Variants in PCDHA11 observed in about 807,000 individuals in gnomAD.
PCDHA11 encodes protocadherin alpha 11.
A neutral mutation model predicts 70.3 loss-of-function variants in PCDHA11; 61 were observed. The observed-to-expected ratio is 0.87, with a 90% CI of 0.71 to 1.07. The LOEUF (loss-of-function observed/expected upper bound fraction) is 1.07. Ranked by LOEUF, PCDHA11 falls within the 50% of genes least tolerant of loss-of-function variation. The probability of loss-of-function intolerance (pLI) is 0.00; values close to 1 mark genes in which losing one functional copy is unlikely to be tolerated. For synonymous variants in PCDHA11, 633 were observed against 555.1 expected, an observed-to-expected ratio of 1.14 and a Z score of -1.97; for missense variants, 1,324 against 1,237.5, an observed-to-expected ratio of 1.07 and a Z score of -1.05.
chr5:141,006,126 G>T (rs1554260581), intron 3 of PCDHA11, among the ~76,000 whole-genome samples: 1 of 151,330 alleles, frequency 6.6e-6, no homozygotes. Flanking sequence ...TTTTCTCAAG[G>T]CAGTAGAAAG....
chr5:140,877,831 C>T (rs1226856696), intron 1 of PCDHA11: 5 of 1,592,698 alleles, frequency 3.1e-6, no homozygotes, highest in Non-Finnish European at 4.3e-6. Context: ...TTTAAATCCT[C>T]CCAGTGAAGT....
chr5:140,954,909 T>C (rs1309101151), intron 1 of PCDHA11, among the ~76,000 whole-genome samples: 3 of 152,164 alleles, frequency 2.0e-5, no homozygotes, highest in Admixed American at 6.5e-5. Flanking sequence ...TTTCATACTT[T>C]TATGAATTAC....
intron 3 of PCDHA11, among the ~76,000 whole-genome samples, chr5:140,983,718 T>C (rs2097062684): frequency 6.6e-6 from 1 of 152,248 alleles, no homozygotes; most frequent in South Asian, 2.1e-4. Context: ...CTAGCACTTA[T>C]ATTCATAACA....
At chr5:140,902,854 C>T (rs186872091) in intron 1 of PCDHA11, among the ~76,000 whole-genome samples, 154 of 152,240 alleles carry the variant, frequency 1.0e-3, no homozygotes, top group Middle Eastern at 3.4e-3. Flanking sequence ...AGAAAAATGG[C>T]GTCCAGGTCC....
intron 1 of PCDHA11, chr5:140,877,868 T>G: frequency 6.7e-7 from 1 of 1,488,916 alleles, no homozygotes; most frequent in Non-Finnish European, 8.9e-7. Context: ...TTAGATATAT[T>G]TGTTTCCTTG....
chr5:140,882,859 GA>G (rs1554175853), intron 1 of PCDHA11: 4 of 1,614,192 alleles, frequency 2.5e-6, no homozygotes, highest in Non-Finnish European at 3.4e-6. Flanking sequence ...TTGTACTGAG[GA>G]AAACACTGGA....
chr5:140,921,511 C>T (rs1163280621), intron 1 of PCDHA11, among the ~76,000 whole-genome samples: 1 of 152,062 alleles, frequency 6.6e-6, no homozygotes, highest in Non-Finnish European at 1.5e-5. Context: ...TAGTGCCTAA[C>T]CTGAAATAAA....
chr5:140,871,446 A>C lies in PCDHA11; in HGVS notation c.2343A>C (p.Lys781Asn), dbSNP rs1554165605. Residue 781 changes from lysine (K) to asparagine (N), a missense_variant, in exon 1 of 4, where the codon AAA becomes AAC. Transcript: ENST00000398640. The part of the protein sequence containing the change: ...FSPSLPLGLN[K>N]EEEGERQEPG... ...CCAGTCTTCCTCTAGGTCTGAATAA[A>C]GAGGAGGAAGGGGAAAGACAGGAGC... The C allele has an allele frequency of 6.2e-7, 1 of 1,610,058 alleles. No homozygotes were observed. The highest frequency in any genetic ancestry group is 8.5e-7 in the Non-Finnish European group (1 of 1,177,796).
At chr5:140,970,366 A>G (rs1438755786) in intron 1 of PCDHA11, among the ~76,000 whole-genome samples, 2 of 152,196 alleles carry the variant, frequency 1.3e-5, no homozygotes, top group Admixed American at 1.3e-4. Context: ...TTGATTTGCT[A>G]TAGCTTCAAA....
chr5:141,000,828 G>A (rs1244334845), intron 3 of PCDHA11, among the ~76,000 whole-genome samples: 2 of 151,966 alleles, frequency 1.3e-5, no homozygotes, highest in African/African-American at 4.8e-5. Flanking sequence ...GATCACTTGA[G>A]TCCAGGAGAT....
rs782198197 is a variant in PCDHA11, at chr5:140,871,028, C to A, written c.1925C>A (p.Pro642Gln). Residue 642 changes from proline (P) to glutamine (Q), a missense_variant, in exon 1 of 4, where the codon CCG becomes CAG. By Grantham distance (76) the Pro-to-Gln change is moderately conservative. Transcript: ENST00000398640. The stretch of plus-strand genomic sequence containing the variant: ...CGTGCCCTGGACGAGGCAGACTCGC[C>A]GCGCCACCGACTTCTAGTACTGGTG... ...TTRALDEADSPRHRLLVLVKD... is the reference protein window; with the variant it reads ...TTRALDEADSQRHRLLVLVKD... 1.2e-6 allele frequency: 2 copies of A among 1,613,234 alleles called. No individual in the cohort carries two copies. Among genetic ancestry groups the A allele is most frequent in the Non-Finnish European group, 1.7e-6 (2 of 1,179,834 alleles).
intron 1 of PCDHA11, among the ~76,000 whole-genome samples, chr5:140,957,650 C>T (rs1239447979): frequency 1.3e-5 from 2 of 151,848 alleles, no homozygotes; most frequent in Non-Finnish European, 2.9e-5. Flanking sequence ...CTTAAATATT[C>T]AATCATGGAG....
At chr5:140,882,087 C>A in intron 1 of PCDHA11, 2 of 1,081,718 alleles carry the variant, frequency 1.8e-6, no homozygotes, top group Non-Finnish European at 2.6e-6. Flanking sequence ...TCGCTCTTCA[C>A]TGAGAACGTT....
intron 1 of PCDHA11, among the ~76,000 whole-genome samples, chr5:140,939,737 G>GTA (rs1554212873): frequency 6.6e-6 from 1 of 152,160 alleles, no homozygotes; most frequent in Non-Finnish European, 1.5e-5. Flanking sequence ...GTGTAGCTGT[G>GTA]TATCATTCAT....
intron 1 of PCDHA11, 102 bp from the exon 2 acceptor site, chr5:140,978,847 G>GA: frequency 6.4e-7 from 1 of 1,570,216 alleles, no homozygotes; most frequent in Non-Finnish European, 8.6e-7. Context: ...TACTTTTTTA[G>GA]ATGCCTGGAA....
At chr5:140,928,452 G>T in intron 1 of PCDHA11, 3 of 1,614,126 alleles carry the variant, frequency 1.9e-6, no homozygotes, top group Non-Finnish European at 2.5e-6. Flanking sequence ...AGCTCAGGGG[G>T]TTTCATTTCC....
chr5:140,937,288 C>T (rs1473599964), intron 1 of PCDHA11, among the ~76,000 whole-genome samples: 1 of 152,072 alleles, frequency 6.6e-6, no homozygotes, highest in African/African-American at 2.4e-5. Context: ...TCACCCGCTT[C>T]GGCCTCCCAA....
At chr5:140,946,540 T>G (rs1182532418) in intron 1 of PCDHA11, among the ~76,000 whole-genome samples, 1 of 150,344 alleles carries the variant, frequency 6.7e-6, no homozygotes, top group African/African-American at 2.5e-5. Context: ...CATTGCAGCA[T>G]TATTCATGAT....
At chr5:140,876,957 G>T (rs2056730695) in intron 1 of PCDHA11, 7 of 1,613,178 alleles carry the variant, frequency 4.3e-6, no homozygotes, top group Non-Finnish European at 5.9e-6. Context: ...ACTCGCTGGT[G>T]GAGCGGCGGG....
Sources: gnomAD v4.1 joint callset for allele counts (sites outside exome capture counted in the v4.1 genomes callset) on GRCh38, gnomAD v4.1.1 for gene constraint, MANE v1.5 for transcripts, NCBI Gene and HGNC (gene_info 2026-07-23, HGNC 2026-07-21) for gene names.